Variants in EPB41L4B observed in about 807,000 individuals in gnomAD.
The protein encoded by EPB41L4B is erythrocyte membrane protein band 4.1 like 4B.
A neutral mutation model predicts 112.5 loss-of-function variants in EPB41L4B; 30 were observed. The observed-to-expected ratio is 0.27, with a 90% CI of 0.20 to 0.36. EPB41L4B has a LOEUF of 0.36. Ranked by LOEUF, EPB41L4B falls within the 10% of genes least tolerant of loss-of-function variation. EPB41L4B has a pLI of 1.00. For missense variants in EPB41L4B, 1,024 were observed against 1,133.3 expected (o/e 0.90, Z 1.38); for synonymous variants, 408 against 439.7 (o/e 0.93, Z 0.90).
chr9:109,232,767 G>A (rs530102360), intron 15 of EPB41L4B, among the ~76,000 whole-genome samples: 3 of 152,200 alleles, frequency 2.0e-5, no homozygotes, highest in Non-Finnish European at 4.4e-5. Context: ...CACTGGGTAC[G>A]TGTTTCTAGG....
At chr9:109,187,824 C>T (rs1832323618) in intron 22 of EPB41L4B, among the ~76,000 whole-genome samples, 1 of 152,214 alleles carries the variant, frequency 6.6e-6, no homozygotes, top group Admixed American at 6.5e-5. Context: ...AGGGATGGTC[C>T]AGCATTTGAC....
chr9:109,187,848 A>C (rs1477956928), intron 22 of EPB41L4B, among the ~76,000 whole-genome samples: 1 of 152,214 alleles, frequency 6.6e-6, no homozygotes, highest in Non-Finnish European at 1.5e-5. Context: ...CGTGGTAAAG[A>C]AGTGTTGATC....
At position 109,217,027 on chromosome 9, in the gene EPB41L4B, G is replaced by A; in HGVS notation, c.1528C>T (p.His510Tyr). Residue 510 changes from histidine (H) to tyrosine (Y), a missense_variant, in exon 16 of 26, where the codon CAT becomes TAT. Coordinates refer to ENST00000374566, the MANE Select transcript of EPB41L4B (RefSeq NM_019114.5). Reference sequence around the variant, plus strand: ...GAGTGGTGCTGGTGCTGATGCTGATGCTGGTGCTGGTGGTGATGCCTTCCT... The same window carrying A: ...GAGTGGTGCTGGTGCTGATGCTGATACTGGTGCTGGTGGTGATGCCTTCCT... ...ASGRHHHQHQ[H>Y]QHQHQHHSNY... 1 of 1,614,216 alleles carries A rather than the reference G, an allele frequency of 6.2e-7. No homozygotes were observed. Among genetic ancestry groups the A allele is most frequent in the Non-Finnish European group, 8.5e-7 (1 of 1,180,038 alleles).
intron 2 of EPB41L4B, among the ~76,000 whole-genome samples, chr9:109,279,279 T>C (rs1390245268): frequency 1.3e-5 from 2 of 151,700 alleles, no homozygotes; most frequent in Non-Finnish European, 2.9e-5. Context: ...GGTGGCAGGA[T>C]CGATTGAGCT....
chr9:109,203,747 T>A lies in EPB41L4B; in HGVS notation c.1879-17A>T. ...CTTTCCACCCTGTTAAAGAAAGCAT[T>A]CAGGTTAGTCAAAACTGAATATGTT... On this transcript the variant is annotated splice_polypyrimidine_tract_variant and intron_variant, in intron 18 of 25. Transcript: ENST00000374566. The A allele has an allele frequency of 1.9e-6, 3 of 1,606,574 alleles. No individual in the cohort carries two copies. The highest frequency in any genetic ancestry group is 2.6e-6 in the Non-Finnish European group (3 of 1,173,416).
Position 109,247,776 on chromosome 9 carries a change from G to C in EPB41L4B, c.1324C>G (p.Pro442Ala). The change falls in exon 14 of 26, where the codon CCA (proline) becomes GCA (alanine). Residue 442 changes from proline to alanine, a missense_variant. Physicochemically the swap from Pro to Ala is conservative, Grantham distance 27 (BLOSUM62 -1). Coordinates refer to ENST00000374566, the MANE Select transcript of EPB41L4B (RefSeq NM_019114.5). ...CTTACCTGGTAATTATGGACTTCTG[G>C]ATTTGTTTTAGAGCTAAACAAACAA... is the stretch of plus-strand genomic sequence containing the variant. ...IAAQLCSKTN[P>A]EVHNYQPQYH... 6.7e-7 allele frequency: 1 copy of C among 1,495,556 alleles called. No homozygotes were observed. Among genetic ancestry groups the C allele is most frequent in the South Asian group, 1.4e-5 (1 of 72,302 alleles). 92.6% of individuals were successfully genotyped at this position (1,495,556 alleles called of 1,614,324 possible). A position where few individuals can be genotyped will look rare whatever the true frequency, so the allele number is the denominator to read the frequency against.
chr9:109,263,907 G>A (rs745614535), intron 5 of EPB41L4B, among the ~76,000 whole-genome samples: 1 of 152,148 alleles, frequency 6.6e-6, no homozygotes, highest in Admixed American at 6.5e-5. Flanking sequence ...ATACAAAGCA[G>A]GCTAAACTGC....
intron 1 of EPB41L4B, among the ~76,000 whole-genome samples, chr9:109,284,224 A>G (rs1380729179): frequency 2.6e-5 from 4 of 152,230 alleles, no homozygotes; most frequent in Non-Finnish European, 5.9e-5. Context: ...TATCTCAGGT[A>G]ATTTATTGAA....
chr9:109,206,375 G>A (rs1832993761), intron 18 of EPB41L4B, among the ~76,000 whole-genome samples: 1 of 152,088 alleles, frequency 6.6e-6, no homozygotes, highest in Non-Finnish European at 1.5e-5. Flanking sequence ...TAGAGACAGG[G>A]TTTCGCCATG....
At chr9:109,229,070 C>T (rs954047662) in intron 15 of EPB41L4B, among the ~76,000 whole-genome samples, 3 of 152,132 alleles carry the variant, frequency 2.0e-5, no homozygotes, top group African/African-American at 7.2e-5. Flanking sequence ...TGTACCCACA[C>T]AAATTAATTT....
intron 15 of EPB41L4B, chr9:109,241,372 C>A: frequency 8.8e-7 from 1 of 1,135,692 alleles, no homozygotes; most frequent in Non-Finnish European, 1.1e-6. Flanking sequence ...CAAAGAACAT[C>A]AGGAACATAG....
At chr9:109,281,354 G>C (rs1049070426) in intron 1 of EPB41L4B, among the ~76,000 whole-genome samples, 8 of 152,136 alleles carry the variant, frequency 5.3e-5, no homozygotes, top group African/African-American at 1.9e-4. Flanking sequence ...CTAGTCATGA[G>C]GGAAATGCAA....
At chr9:109,197,835 C>CA (rs1255533691) in intron 20 of EPB41L4B, among the ~76,000 whole-genome samples, 2 of 121,874 alleles carry the variant, frequency 1.6e-5, no homozygotes, top group East Asian at 2.4e-4. Context: ...AAAAAAAAAA[C>CA]AAAAAAAAGA....
chr9:109,268,256 A>T, intron 3 of EPB41L4B, 135 bp downstream of exon 3: 2 of 795,688 alleles, frequency 2.5e-6, no homozygotes, highest in Non-Finnish European at 3.9e-6. Context: ...AGAAATTAAA[A>T]ATCATCCACT....
In EPB41L4B at chr9:109,173,244, G is replaced by A. The variant is rs1236179456; in HGVS notation, c.*1310C>T. ...GGGATTCAAGCATTCAGAGGGGGTGGGGAGGCTAAACTAGATGACCTTTAA... is the reference window on the plus strand; with the variant it reads ...GGGATTCAAGCATTCAGAGGGGGTGAGGAGGCTAAACTAGATGACCTTTAA... On this transcript the variant is annotated 3_prime_UTR_variant, in exon 26 of 26. Transcript: ENST00000374566. 1 of 152,530 alleles carries A rather than the reference G, an allele frequency of 6.6e-6. No homozygotes were observed. Among genetic ancestry groups the A allele is most frequent in the Non-Finnish European group, 1.5e-5 (1 of 68,036 alleles). 9.4% of individuals were successfully genotyped at this position (152,530 alleles called of 1,614,324 possible).
At chr9:109,273,983 C>A (rs991779797) in intron 2 of EPB41L4B, among the ~76,000 whole-genome samples, 1 of 152,134 alleles carries the variant, frequency 6.6e-6, no homozygotes, top group Admixed American at 6.6e-5. Flanking sequence ...ATCATTAAAG[C>A]AAAGCCAAAG....
chr9:109,180,120 A>C (rs1214501519), intron 24 of EPB41L4B, among the ~76,000 whole-genome samples: 3 of 152,034 alleles, frequency 2.0e-5, no homozygotes, highest in Non-Finnish European at 4.4e-5. Context: ...TGCTTTCCGC[A>C]TCCCAGTCCC....
chr9:109,308,972 A>G (rs1323138219), intron 1 of EPB41L4B, among the ~76,000 whole-genome samples: 2 of 152,202 alleles, frequency 1.3e-5, no homozygotes, highest in African/African-American at 2.4e-5. Context: ...GCTATTCAGG[A>G]AGCTGAGGCA....
chr9:109,268,508 C>G, intron 2 of EPB41L4B, 75 bp from the exon 3 acceptor site: 1 of 1,344,778 alleles, frequency 7.4e-7, no homozygotes, highest in Non-Finnish European at 1.0e-6. Flanking sequence ...TTACCCTCCT[C>G]TAAAAGCCTT....
Sources: gnomAD v4.1 joint callset for allele counts (sites outside exome capture counted in the v4.1 genomes callset) on GRCh38, gnomAD v4.1.1 for gene constraint, MANE v1.5 for transcripts, NCBI Gene and HGNC (gene_info 2026-07-23, HGNC 2026-07-21) for gene names.